ABCG1: variants seen among roughly 807,000 people sequenced by gnomAD.
ABCG1 encodes ATP-binding cassette sub-family G member 1.
ABCG1 carries 29 observed loss-of-function variants against 69.2 expected under a neutral mutation model. The ratio of observed to expected loss-of-function variants is 0.42; its 90% CI spans 0.31 to 0.57. The LOEUF (loss-of-function observed/expected upper bound fraction) is 0.57, where lower values mean the gene tolerates loss of function less well. Among genes scored for constraint, ABCG1 ranks in the 20% least tolerant of loss-of-function variants. The probability of loss-of-function intolerance (pLI) is 0.15; values close to 1 mark genes in which losing one functional copy is unlikely to be tolerated. For missense variants in ABCG1, 718 were observed against 898.1 expected, an observed-to-expected ratio of 0.80 and a Z score of 2.56; for synonymous variants, 370 against 374.8, an observed-to-expected ratio of 0.99 and a Z score of 0.15.
At chr21:42,264,228 G>A (rs2068462898) in intron 2 of ABCG1, among the ~76,000 whole-genome samples, 1 of 152,208 alleles carries the variant, frequency 6.6e-6, no homozygotes, top group African/African-American at 2.4e-5. Flanking sequence ...CGGGATGTCT[G>A]CACAGGCTGT....
In ABCG1 at chr21:42,276,572, G is replaced by T; in HGVS notation, c.538-323G>T. 1 of 348,646 alleles carries T rather than the reference G, an allele frequency of 2.9e-6. No homozygotes were observed. The highest frequency in any genetic ancestry group is 5.5e-5 in the East Asian group (1 of 18,342). The allele number at this position is 348,646 out of a possible 1,614,324, so 21.6% of individuals were successfully genotyped here. Reference sequence around the variant, plus strand: ...GGGCATCGGAAGCCAAGAACTCCTTGGGTTTTCCATGATGATCAGCTAGCT... The same window carrying T: ...GGGCATCGGAAGCCAAGAACTCCTTTGGTTTTCCATGATGATCAGCTAGCT... On this transcript the variant is annotated intron_variant, in intron 4 of 14. Transcript: ENST00000398449. This position sits in a 1 kb window ranked among gnomAD's most constrained non-coding sequence, Gnocchi z 5.3.
intron 2 of ABCG1, among the ~76,000 whole-genome samples, chr21:42,259,772 G>A (rs527280176): frequency 8.9e-4 from 135 of 152,354 alleles, no homozygotes; most frequent in Non-Finnish European, 1.8e-3. Flanking sequence ...ACAGGTCATG[G>A]TTTAGGAAGA....
upstream of ABCG1, among the ~76,000 whole-genome samples, chr21:42,213,987 T>G (rs2067614255): frequency 6.6e-6 from 1 of 152,168 alleles, no homozygotes; most frequent in South Asian, 2.1e-4. Flanking sequence ...GACTTTTTAT[T>G]TGGTGCCGGG....
At chr21:42,285,845 G>A (rs1199820260) in intron 7 of ABCG1, 35 bp from the exon 8 acceptor site, 2 of 1,484,232 alleles carry the variant, frequency 1.3e-6, no homozygotes, top group South Asian at 2.3e-5. Context: ...GAGGAAGGCA[G>A]GGCTTGATCC....
rs186154519 is a variant in ABCG1, at chr21:42,235,251, G to A, written c.286+9337G>A. Among the ~76,000 whole-genome samples, 356 of 152,306 alleles carry A rather than the reference G, an allele frequency of 2.3e-3. 2 individuals carry two copies. The highest frequency in any genetic ancestry group is 8.1e-3 in the African/African-American group (337 of 41,564). On this transcript the variant is annotated intron_variant, in intron 2 of 14. Coordinates refer to ENST00000398449, the MANE Select transcript of ABCG1 (RefSeq NM_016818.3). ...CTTGAGCGGTGACTGGGAGACCCCG[G>A]GAATGGAAATGGCGCTCAAATGCTG...
intron 11 of ABCG1, among the ~76,000 whole-genome samples, chr21:42,290,565 T>G (rs1293410827): frequency 6.6e-6 from 1 of 152,044 alleles, no homozygotes; most frequent in Non-Finnish European, 1.5e-5. Context: ...CACAGCCCAC[T>G]TCGGGAGCAG....
chr21:42,231,782 T>C (rs1166224748), intron 2 of ABCG1, among the ~76,000 whole-genome samples: 1 of 152,240 alleles, frequency 6.6e-6, no homozygotes, highest in Non-Finnish European at 1.5e-5. Flanking sequence ...GATAGTTCCC[T>C]AGCATAAGTG....
At position 42,271,200 on chromosome 21, in the gene ABCG1, GC is replaced by G; in HGVS notation, c.404+16del. On this transcript the variant is annotated intron_variant, in intron 3 of 14. Transcript: ENST00000398449. ...TGGCTGGATACAGGTGAGCAGCCCT[GC>G]CCAGGGCGCAAAGTTCTCTCCCGGG... The G allele has an allele frequency of 6.6e-7, 1 of 1,504,010 alleles. No homozygotes were observed. Among genetic ancestry groups the G allele is most frequent in the Non-Finnish European group, 8.9e-7 (1 of 1,126,524 alleles). The allele number at this position is 1,504,010 out of a possible 1,614,324, so 93.2% of individuals were successfully genotyped here.
At chr21:42,253,664 C>G (rs923950339) in intron 2 of ABCG1, among the ~76,000 whole-genome samples, 1 of 152,126 alleles carries the variant, frequency 6.6e-6, no homozygotes, top group African/African-American at 2.4e-5. Context: ...CTGAGATAAC[C>G]CTGACGTCAC....
intron 5 of ABCG1, among the ~76,000 whole-genome samples, chr21:42,279,918 C>G (rs1054280130): frequency 2.0e-5 from 3 of 152,202 alleles, no homozygotes; most frequent in Non-Finnish European, 2.9e-5. Context: ...GTGCCTGGGC[C>G]CTGCCTAAGA....
chr21:42,295,629 A>G lies in ABCG1; in HGVS notation c.1773-535A>G, dbSNP rs138956766. Among the ~76,000 whole-genome samples the G allele has an allele frequency of 2.2e-4, 34 of 152,368 alleles. No homozygotes were observed. The East Asian group carries it at 4.2e-3, about 19-fold the overall frequency. ...CTAGAATGTCAGTTCAGACTTAGGT[A>G]TATTGTTCAAGAAAACAAAGCACTT... On this transcript the variant is annotated intron_variant, in intron 14 of 14. Coordinates refer to ENST00000398449, the MANE Select transcript of ABCG1 (RefSeq NM_016818.3).
At chr21:42,210,851 G>A (rs2123472479) in intron 2 of ABCG1, among the ~76,000 whole-genome samples, 1 of 152,304 alleles carries the variant, frequency 6.6e-6, no homozygotes. Context: ...CTCACCAGAG[G>A]AAGCGAAGGA....
At chr21:42,242,655 C>T (rs568442221) in intron 2 of ABCG1, among the ~76,000 whole-genome samples, 8 of 152,290 alleles carry the variant, frequency 5.3e-5, no homozygotes, top group Non-Finnish European at 8.8e-5. Context: ...TGCTGGAGAA[C>T]GCTGGCCATT....
chr21:42,250,247 T>C (rs988998290), intron 2 of ABCG1, among the ~76,000 whole-genome samples: 2 of 152,146 alleles, frequency 1.3e-5, no homozygotes, highest in South Asian at 4.1e-4. Flanking sequence ...GCACATCCCA[T>C]TGAAGCCATG....
chr21:42,245,044 C>T (rs1021032959), intron 2 of ABCG1, among the ~76,000 whole-genome samples: 4 of 152,246 alleles, frequency 2.6e-5, no homozygotes, highest in African/African-American at 7.2e-5. Flanking sequence ...CCCCCACGCG[C>T]TCCACGAGCT....
Position 42,282,307 on chromosome 21 carries a change from T to G in ABCG1, c.622T>G (p.Ser208Ala), listed in dbSNP as rs2068825223. 3 of 1,612,904 alleles carry G rather than the reference T, an allele frequency of 1.9e-6. No homozygotes were observed. The highest frequency in any genetic ancestry group is 1.7e-5 in the Admixed American group (1 of 59,996). Residue 208 changes from serine (S) to alanine (A), a missense_variant, in exon 6 of 15, where the codon TCT becomes GCT. By Grantham distance (99) the Ser-to-Ala change is moderately conservative. Coordinates refer to ENST00000398449, the MANE Select transcript of ABCG1 (RefSeq NM_016818.3). Reference sequence around the variant, plus strand: ...GATACTGACAGCGCTGGGCTTGCTGTCTTGCGCCAACACGCGGACCGGGAG... The same window carrying G: ...GATACTGACAGCGCTGGGCTTGCTGGCTTGCGCCAACACGCGGACCGGGAG... ...KEILTALGLL[S>A]CANTRTGSLS...
intron 2 of ABCG1, among the ~76,000 whole-genome samples, chr21:42,226,316 C>A (rs225413): frequency 6.6e-6 from 1 of 152,104 alleles, no homozygotes; most frequent in African/African-American, 2.4e-5. Context: ...CCCTCCCAAG[C>A]GTGAAGTGTT....
At chr21:42,201,434 C>T in intron 1 of ABCG1, 1 of 502,880 alleles carries the variant, frequency 2.0e-6, no homozygotes, top group South Asian at 2.1e-5. Flanking sequence ...CCGCTCACCT[C>T]CTGCTGTGTG....
chr21:42,277,436 A>C (rs1201948349), intron 5 of ABCG1, among the ~76,000 whole-genome samples: 1 of 152,152 alleles, frequency 6.6e-6, no homozygotes, highest in African/African-American at 2.4e-5. Context: ...ATACGTTTCC[A>C]GGATGATGAA....
Sources: allele counts gnomAD v4.1 joint callset (sites outside exome capture counted in the v4.1 genomes callset), GRCh38; gene constraint gnomAD v4.1.1; non-coding constraint Gnocchi (gnomAD v3.1); transcripts MANE v1.5; gene names NCBI Gene and HGNC (gene_info 2026-07-23, HGNC 2026-07-21).